TENM2: variants seen among roughly 807,000 people sequenced by gnomAD.
TENM2 encodes the protein teneurin-2.
TENM2 carries 52 observed loss-of-function variants against 245.2 expected under a neutral mutation model. The ratio of observed to expected loss-of-function variants is 0.21; its 90% CI spans 0.17 to 0.27. The LOEUF is 0.27. Ranked by LOEUF, TENM2 falls within the 10% of genes least tolerant of loss-of-function variation. The probability of loss-of-function intolerance (pLI) is 1.00; values close to 1 mark genes in which losing one functional copy is unlikely to be tolerated. For missense variants in TENM2, 3,046 were observed against 3,666.8 expected, an observed-to-expected ratio of 0.83 and a Z score of 4.37; for synonymous variants, 1,363 against 1,438.9, an observed-to-expected ratio of 0.95 and a Z score of 1.19.
intron 2 of TENM2, among the ~76,000 whole-genome samples, chr5:167,513,220 T>C (rs1029264322): frequency 1.3e-5 from 2 of 152,218 alleles, no homozygotes; most frequent in South Asian, 4.1e-4. Flanking sequence ...ACATGTCACT[T>C]ATATGACCCA....
chr5:167,975,117 C>G (rs1243618760), intron 4 of TENM2, among the ~76,000 whole-genome samples: 1 of 152,244 alleles, frequency 6.6e-6, no homozygotes. Flanking sequence ...TGCCACCTCC[C>G]TGTCAGGCAA....
At chr5:167,317,369 G>A (rs1363598903) in intron 1 of TENM2, among the ~76,000 whole-genome samples, 1 of 151,940 alleles carries the variant, frequency 6.6e-6, no homozygotes, top group Admixed American at 6.6e-5. Flanking sequence ...ACATATCTTA[G>A]TTGCTCTTTC....
chr5:167,429,460 T>G (rs1316081381), intron 2 of TENM2, among the ~76,000 whole-genome samples: 1 of 152,112 alleles, frequency 6.6e-6, no homozygotes, highest in Non-Finnish European at 1.5e-5. Flanking sequence ...GTTCATGGAA[T>G]GTAATTTGGA....
intron 3 of TENM2, among the ~76,000 whole-genome samples, chr5:167,907,405 T>C (rs1405592594): frequency 1.3e-5 from 2 of 150,766 alleles, no homozygotes; most frequent in Non-Finnish European, 3.0e-5. Flanking sequence ...TCATTTTAAA[T>C]GTGGTCACTA....
intron 2 of TENM2, 120 bp downstream of exon 4, chr5:167,375,593 C>T (rs1409814815): frequency 3.7e-6 from 4 of 1,070,018 alleles, no homozygotes; most frequent in Middle Eastern, 2.8e-4. Flanking sequence ...TGAAATCGAC[C>T]TTGTCTACCC....
intron 2 of TENM2, among the ~76,000 whole-genome samples, chr5:167,798,684 CACAGGAAAA>C (rs1043408398): frequency 1.3e-5 from 2 of 152,146 alleles, no homozygotes; most frequent in African/African-American, 4.8e-5. Flanking sequence ...GTGAAACTTC[CACAGGAAAA>C]CTAAATAAAG....
chr5:167,592,684 A>G (rs1036023615), intron 2 of TENM2, among the ~76,000 whole-genome samples: 1 of 152,166 alleles, frequency 6.6e-6, no homozygotes, highest in Non-Finnish European at 1.5e-5. Flanking sequence ...TAAATTTGAA[A>G]GCTTTTGGTA....
At chr5:168,204,684 CG>C (rs35810973) in intron 19 of TENM2, 63 bp downstream of exon 21, 2 of 1,576,528 alleles carry the variant, frequency 1.3e-6, no homozygotes, top group African/African-American at 1.3e-5. Flanking sequence ...TGAGTTTGAT[CG>C]GGTAACTGGG....
chr5:167,892,933 G>A (rs1381004132), intron 3 of TENM2, among the ~76,000 whole-genome samples: 1 of 152,130 alleles, frequency 6.6e-6, no homozygotes, highest in African/African-American at 2.4e-5. Context: ...TTTATTAATA[G>A]CAATAACATC....
At chr5:167,750,223 T>C (rs944255880) in intron 2 of TENM2, among the ~76,000 whole-genome samples, 4 of 152,134 alleles carry the variant, frequency 2.6e-5, no homozygotes, top group African/African-American at 9.7e-5. Context: ...GCTCAATGAA[T>C]AGAATTTCCC....
chr5:167,808,671 T>C (rs778136181), intron 2 of TENM2, among the ~76,000 whole-genome samples: 73 of 152,212 alleles, frequency 4.8e-4, no homozygotes, highest in Admixed American at 1.2e-3. Flanking sequence ...TGTCTTTTTT[T>C]CCTGTCTTTC....
Position 168,244,665 on chromosome 5 carries a change from G to A in TENM2, c.5766G>A (p.Val1922=). The change falls in exon 26 of 29, where the codon GTG becomes GTA. Residue 1922 remains valine (V), a synonymous_variant. Transcript: ENST00000518659. This position sits in a 1 kb window ranked among gnomAD's most constrained non-coding sequence, Gnocchi z 4.9. ...ACATCGACAAGCAAGGCCGCATCGT[G>A]TCCCGCATGTTCGCTGACGGGAAAG... 6.6e-7 allele frequency: 1 copy of A among 1,513,002 alleles called. No homozygotes were observed. The highest frequency in any genetic ancestry group is 8.9e-7 in the Non-Finnish European group (1 of 1,120,046). The allele number at this position is 1,513,002 out of a possible 1,614,324, so 93.7% of individuals were successfully genotyped here. A position where few individuals can be genotyped will look rare whatever the true frequency, so the allele number is the denominator to read the frequency against.
At chr5:167,397,599 C>A (rs1762128794) in intron 2 of TENM2, among the ~76,000 whole-genome samples, 1 of 152,024 alleles carries the variant, frequency 6.6e-6, no homozygotes, top group Non-Finnish European at 1.5e-5. Flanking sequence ...GGTGAATTAA[C>A]AAACCATCAT....
At chr5:167,875,434 G>A (rs1049220840) in intron 2 of TENM2, among the ~76,000 whole-genome samples, 1 of 152,070 alleles carries the variant, frequency 6.6e-6, no homozygotes, top group African/African-American at 2.4e-5. Flanking sequence ...GGTAGGAGAG[G>A]CAGCTATGGG....
intron 2 of TENM2, among the ~76,000 whole-genome samples, chr5:167,443,671 A>G (rs1764991747): frequency 6.6e-6 from 1 of 152,190 alleles, no homozygotes; most frequent in Admixed American, 6.6e-5. Flanking sequence ...TGTTTGTCCT[A>G]AAAGAGGTGA....
At chr5:167,725,817 C>T (rs1170775970) in intron 2 of TENM2, among the ~76,000 whole-genome samples, 3 of 152,140 alleles carry the variant, frequency 2.0e-5, no homozygotes, top group Non-Finnish European at 4.4e-5. Flanking sequence ...CTTACTCTCT[C>T]GCTTTGCCTT....
chr5:168,043,502 A>G (rs1241181081), intron 5 of TENM2, among the ~76,000 whole-genome samples: 1 of 152,222 alleles, frequency 6.6e-6, no homozygotes, highest in African/African-American at 2.4e-5. Flanking sequence ...GGCCCAAAGT[A>G]TGTGCTAATT....
At chr5:167,869,445 G>A (rs1445008466) in intron 2 of TENM2, among the ~76,000 whole-genome samples, 1 of 152,222 alleles carries the variant, frequency 6.6e-6, no homozygotes, top group Non-Finnish European at 1.5e-5. Context: ...ACGTCCCAGA[G>A]TCTCTATACT....
Position 168,227,978 on chromosome 5 carries a change from A to G in TENM2, c.5368A>G (p.Ser1790Gly), listed in dbSNP as rs139130485. The G allele has an allele frequency of 4.5e-3, 7,207 of 1,613,736 alleles. 21 individuals are homozygous for G. The highest frequency in any genetic ancestry group is 5.6e-3 in the Non-Finnish European group (6,600 of 1,179,798). ...TAATGGGATGGGTATCAGCTTCCACAGCGAGCCCCATGTCCTAGCGGGCAC... is the reference window on the plus strand; with the variant it reads ...TAATGGGATGGGTATCAGCTTCCACGGCGAGCCCCATGTCCTAGCGGGCAC... The change falls in exon 25 of 29, where the codon AGC becomes GGC. Residue 1790 changes from serine to glycine, a missense_variant. Physicochemically the swap from Ser to Gly is moderately conservative, Grantham distance 56 (BLOSUM62 0). This residue lies in a region of TENM2 where 2,704 missense variants were observed against 3,331.9 expected (regional missense o/e 0.81). Transcript: ENST00000518659.
Sources: gnomAD v4.1 joint callset for allele counts (sites outside exome capture counted in the v4.1 genomes callset) on GRCh38, gnomAD v4.1.1 for gene constraint, gnomAD v4.1.1 regional missense constraint, Gnocchi (gnomAD v3.1) non-coding constraint, MANE v1.5 for transcripts, NCBI Gene and HGNC (gene_info 2026-07-23, HGNC 2026-07-21) for gene names.